PDE1C: variants seen among roughly 807,000 people sequenced by gnomAD.
PDE1C encodes dual specificity calcium/calmodulin-dependent 3',5'-cyclic nucleotide phosphodiesterase 1C.
A neutral mutation model predicts 93.1 loss-of-function variants in PDE1C; 62 were observed. The ratio of observed to expected loss-of-function variants is 0.67; its 90% confidence interval spans 0.54 to 0.82. The LOEUF is 0.82. PDE1C is among the 40% of genes least tolerant of loss of function. The probability of loss-of-function intolerance (pLI) is 0.00; values close to 1 mark genes in which losing one functional copy is unlikely to be tolerated. For synonymous variants in PDE1C, 325 were observed against 310.1 expected, an observed-to-expected ratio of 1.05 and a Z score of -0.50; for missense variants, 742 against 884.6, an observed-to-expected ratio of 0.84 and a Z score of 2.04.
At chr7:31,683,615 C>A in the PDE1C span, among the ~76,000 whole-genome samples, 2 of 152,064 alleles carry the variant, frequency 1.3e-5, no homozygotes, top group Non-Finnish European at 2.9e-5. Flanking sequence ...CCAACGAGAT[C>A]CAGCAAGATC....
the PDE1C span, among the ~76,000 whole-genome samples, chr7:31,655,583 C>T: frequency 6.6e-6 from 1 of 152,178 alleles, no homozygotes; most frequent in East Asian, 1.9e-4. Context: ...AGCAGCCTTC[C>T]ACCAGAAATA....
chr7:32,094,292 T>A (rs184816890), intron 3 of PDE1C, among the ~76,000 whole-genome samples: 1 of 152,146 alleles, frequency 6.6e-6, no homozygotes, highest in Admixed American at 6.5e-5. Flanking sequence ...CCAGCCCACC[T>A]CCTCTCAAAA....
the PDE1C span, among the ~76,000 whole-genome samples, chr7:31,703,046 T>A: frequency 2.0e-5 from 3 of 152,220 alleles, no homozygotes; most frequent in Non-Finnish European, 4.4e-5. Flanking sequence ...ACAATTAACA[T>A]AAACTGTAAA....
At chr7:31,696,303 G>C in the PDE1C span, among the ~76,000 whole-genome samples, 1 of 152,080 alleles carries the variant, frequency 6.6e-6, no homozygotes, top group African/African-American at 2.4e-5. Flanking sequence ...ATGAAACATA[G>C]ATCTTTCTGG....
chr7:32,003,510 A>T (rs946048390), intron 2 of PDE1C, among the ~76,000 whole-genome samples: 4 of 152,250 alleles, frequency 2.6e-5, no homozygotes, highest in African/African-American at 9.6e-5. Context: ...AGTTCCATCC[A>T]TCATGGAAGC....
At chr7:31,764,041 G>T (rs1583973925) in intron 17 of PDE1C, among the ~76,000 whole-genome samples, 1 of 150,584 alleles carries the variant, frequency 6.6e-6, no homozygotes, top group Non-Finnish European at 1.5e-5. Flanking sequence ...GCTACCTGAG[G>T]AAGCCACTTT....
chr7:32,117,307 A>C (rs925300423), intron 3 of PDE1C, among the ~76,000 whole-genome samples: 1 of 152,230 alleles, frequency 6.6e-6, no homozygotes, highest in Admixed American at 6.5e-5. Flanking sequence ...AATAACAACT[A>C]TAAGAAAACT....
chr7:32,387,624 G>A (rs1373642054), intron 1 of PDE1C, among the ~76,000 whole-genome samples: 94 of 144,884 alleles, frequency 6.5e-4, no homozygotes, highest in African/African-American at 2.2e-3. Flanking sequence ...CTGGCCAGGC[G>A]GGGGGCTGAT....
chr7:32,024,721 C>T (rs1789171405), intron 2 of PDE1C, among the ~76,000 whole-genome samples: 1 of 152,068 alleles, frequency 6.6e-6, no homozygotes, highest in African/African-American at 2.4e-5. Flanking sequence ...TGTGAGCTCT[C>T]GGAAGCTCAG....
rs550738354 is a variant in PDE1C at position 32,140,601 on chromosome 7, G to A, written c.308+29184C>T. Among the ~76,000 whole-genome samples, 274 of 152,302 alleles carry A rather than the reference G, an allele frequency of 1.8e-3. 1 individual carries two copies. The highest frequency in any genetic ancestry group is 6.0e-3 in the African/African-American group (250 of 41,576). On this transcript the variant is annotated intron_variant, in intron 3 of 18. Coordinates refer to the PDE1C transcript ENST00000396193. ...CAGCTGAGAAAGCAGGCTTTGAAGC[G>A]GAAACTCTACCTCCCATCAGACATT...
At chr7:31,750,806 A>G (rs889280752), downstream of PDE1C, among the ~76,000 whole-genome samples, 1 of 152,112 alleles carries the variant, frequency 6.6e-6, no homozygotes, top group Non-Finnish European at 1.5e-5. Context: ...ATCTCGGCTC[A>G]CTGCAAGCTC....
intron 1 of PDE1C, chr7:32,052,170 GGAA>G (rs1301456540): frequency 2.6e-6 from 1 of 391,678 alleles, no homozygotes; most frequent in Admixed American, 3.0e-5. Flanking sequence ...GAAGAAGTGA[GGAA>G]GGGGACAATG....
At chr7:31,621,821 A>G in the PDE1C span, among the ~76,000 whole-genome samples, 3 of 151,580 alleles carry the variant, frequency 2.0e-5, no homozygotes, top group Non-Finnish European at 4.4e-5. Flanking sequence ...CAAATTGGAT[A>G]AAGAGTCAAG....
At chr7:32,002,368 C>T (rs759950279) in intron 2 of PDE1C, among the ~76,000 whole-genome samples, 22 of 152,100 alleles carry the variant, frequency 1.4e-4, no homozygotes, top group Non-Finnish European at 2.9e-4. Context: ...ATGGAGCTGG[C>T]GGGCTGATGG....
chr7:31,618,192 G>A, the PDE1C span, among the ~76,000 whole-genome samples: 1 of 152,142 alleles, frequency 6.6e-6, no homozygotes, highest in Non-Finnish European at 1.5e-5. Context: ...CCAAACTTAA[G>A]ATCAGCCTTT....
At chr7:31,697,005 A>G in the PDE1C span, 1 of 1,614,196 alleles carries the variant, frequency 6.2e-7, no homozygotes. Flanking sequence ...ACGATGTTCA[A>G]GAGAGACATC....
intron 1 of PDE1C, among the ~76,000 whole-genome samples, chr7:32,271,809 T>C (rs1277589860): frequency 5.9e-5 from 9 of 152,190 alleles, no homozygotes; most frequent in African/African-American, 2.2e-4. Context: ...TTGTGATCTC[T>C]CTACTCCACC....
chr7:32,153,450 G>A (rs893757888), intron 3 of PDE1C, among the ~76,000 whole-genome samples: 1 of 152,144 alleles, frequency 6.6e-6, no homozygotes, highest in Admixed American at 6.5e-5. Flanking sequence ...ACCCGTCAAG[G>A]CAGTGTGGAT....
intron 2 of PDE1C, among the ~76,000 whole-genome samples, chr7:32,200,127 C>T (rs1378129881): frequency 1.3e-5 from 2 of 152,190 alleles, no homozygotes; most frequent in African/African-American, 2.4e-5. Flanking sequence ...GGACACTCGA[C>T]CTGCATCTCA....
Sources: gnomAD v4.1 joint callset for allele counts (sites outside exome capture counted in the v4.1 genomes callset) on GRCh38, gnomAD v4.1.1 for gene constraint, MANE v1.5 for transcripts, NCBI Gene and HGNC (gene_info 2026-07-23, HGNC 2026-07-21) for gene names.